AGBL4: variants seen among roughly 807,000 people sequenced by gnomAD.
The protein encoded by AGBL4 is AGBL carboxypeptidase 4, also known as cytosolic carboxypeptidase 6.
A neutral mutation model predicts 66.4 loss-of-function variants in AGBL4; 58 were observed. That is an observed-to-expected ratio of 0.87 (90% CI 0.71 to 1.09). The LOEUF (loss-of-function observed/expected upper bound fraction) is 1.09. Ranked by LOEUF, AGBL4 falls within the 50% of genes least tolerant of loss-of-function variation. AGBL4 has a pLI of 0.00. For missense variants in AGBL4, 579 were observed against 631.0 expected, an observed-to-expected ratio of 0.92 and a Z score of 0.88; for synonymous variants, 234 against 222.9, an observed-to-expected ratio of 1.05 and a Z score of -0.44.
intron 9 of AGBL4, among the ~76,000 whole-genome samples, chr1:48,608,983 A>T: frequency 6.6e-6 from 1 of 152,150 alleles, no homozygotes; most frequent in South Asian, 2.1e-4. Context: ...CATTTTATTG[A>T]TGAGGGACCC....
At chr1:49,692,361 G>T (rs778953508) in intron 3 of AGBL4, among the ~76,000 whole-genome samples, 18 of 152,110 alleles carry the variant, frequency 1.2e-4, no homozygotes, top group Non-Finnish European at 2.5e-4. Flanking sequence ...TTTGTGGACT[G>T]CTGATTTTGA....
intron 2 of AGBL4, among the ~76,000 whole-genome samples, chr1:49,837,813 C>A (rs1048466170): frequency 2.0e-5 from 3 of 152,154 alleles, no homozygotes; most frequent in Non-Finnish European, 4.4e-5. Flanking sequence ...CCACTGCACT[C>A]CAGCCTGGGC....
chr1:48,836,435 A>G (rs952393055), intron 6 of AGBL4, among the ~76,000 whole-genome samples: 2 of 152,086 alleles, frequency 1.3e-5, no homozygotes, highest in African/African-American at 4.8e-5. Context: ...CAAATGCCTA[A>G]GACTATCCTT....
intron 3 of AGBL4, among the ~76,000 whole-genome samples, chr1:49,669,789 T>C (rs1646441368): frequency 6.6e-6 from 1 of 152,012 alleles, no homozygotes. Flanking sequence ...AAACAGAGTT[T>C]CAAAAAAATT....
intron 2 of AGBL4, among the ~76,000 whole-genome samples, chr1:49,761,722 T>C (rs1571508683): frequency 2.0e-5 from 3 of 152,180 alleles, no homozygotes; most frequent in South Asian, 2.1e-4. Flanking sequence ...AAACCTCTCT[T>C]ATAGCTTTTT....
At chr1:49,424,837 G>C (rs1368336528) in intron 3 of AGBL4, among the ~76,000 whole-genome samples, 2 of 152,144 alleles carry the variant, frequency 1.3e-5, no homozygotes, top group East Asian at 1.9e-4. Context: ...AGAGTCAGGG[G>C]AATGAATGCT....
chr1:50,016,665 C>T (rs1038219981), intron 1 of AGBL4, among the ~76,000 whole-genome samples: 3 of 152,138 alleles, frequency 2.0e-5, no homozygotes, highest in Non-Finnish European at 4.4e-5. Flanking sequence ...CACACACATA[C>T]ATGCGGCCAA....
intron 3 of AGBL4, among the ~76,000 whole-genome samples, chr1:49,572,942 C>T (rs1644360260): frequency 6.6e-6 from 1 of 152,076 alleles, no homozygotes; most frequent in Admixed American, 6.6e-5. Context: ...GAGATTCTGG[C>T]CTAGCCTCCC....
intron 4 of AGBL4, among the ~76,000 whole-genome samples, chr1:49,098,603 G>A (rs866762472): frequency 2.0e-5 from 3 of 152,306 alleles, no homozygotes; most frequent in Admixed American, 1.3e-4. Flanking sequence ...TTCAGGTAAA[G>A]GTTTCAGGAC....
intron 3 of AGBL4, among the ~76,000 whole-genome samples, chr1:49,513,443 T>C (rs543767397): frequency 6.2e-4 from 94 of 152,058 alleles, no homozygotes; most frequent in African/African-American, 2.2e-3. Context: ...GATTCCATAG[T>C]GTCTGTTGTT....
intron 3 of AGBL4, among the ~76,000 whole-genome samples, chr1:49,440,650 CT>C (rs1317911244): frequency 6.6e-6 from 1 of 152,162 alleles, no homozygotes; most frequent in Non-Finnish European, 1.5e-5. Flanking sequence ...AGCCTCAGAT[CT>C]GCTAAGACTA....
chr1:48,838,209 C>A (rs1646726647), intron 6 of AGBL4, among the ~76,000 whole-genome samples: 1 of 152,010 alleles, frequency 6.6e-6, no homozygotes, highest in African/African-American at 2.4e-5. Context: ...TTTTCTGGAA[C>A]CACAAAAGAC....
chr1:49,749,451 C>A (rs898190993), intron 2 of AGBL4, among the ~76,000 whole-genome samples: 9 of 152,088 alleles, frequency 5.9e-5, no homozygotes, highest in Non-Finnish European at 1.0e-4. Context: ...AATACTAAAA[C>A]TTTCCTTATT....
chr1:48,825,251 A>C (rs1257184188), intron 6 of AGBL4, among the ~76,000 whole-genome samples: 1 of 152,018 alleles, frequency 6.6e-6, no homozygotes, highest in African/African-American at 2.4e-5. Context: ...TTTTAGCGCA[A>C]CCCGCCTTCT....
At chr1:48,567,441 T>A (rs1195851290) in intron 11 of AGBL4, among the ~76,000 whole-genome samples, 1 of 152,246 alleles carries the variant, frequency 6.6e-6, no homozygotes, top group Middle Eastern at 3.4e-3. Flanking sequence ...ATGGAGGGAC[T>A]GAGGAGGGGG....
intron 1 of AGBL4, among the ~76,000 whole-genome samples, chr1:49,981,796 G>A (rs1659077385): frequency 6.6e-6 from 1 of 152,170 alleles, no homozygotes; most frequent in Non-Finnish European, 1.5e-5. Context: ...CTAGCCTGGG[G>A]ACAATCTGGT....
intron 2 of AGBL4, among the ~76,000 whole-genome samples, chr1:49,838,540 C>T (rs1645910720): frequency 6.6e-6 from 1 of 152,132 alleles, no homozygotes; most frequent in African/African-American, 2.4e-5. Flanking sequence ...CCTTCAGATG[C>T]CAACTCAATT....
chr1:49,932,458 C>A (rs1018922246), intron 1 of AGBL4, among the ~76,000 whole-genome samples: 5 of 152,088 alleles, frequency 3.3e-5, no homozygotes, highest in African/African-American at 1.2e-4. Context: ...ACAAACTCTT[C>A]TTACACACAT....
rs150698713 is a variant in AGBL4 at position 49,153,995 on chromosome 1, C to T, written c.377+91775G>A. ...AGGTAATTCAAGATAATACTGCTAG[C>T]GAGAGAAGACATAAAAATCAAGCCC... On this transcript the variant is annotated intron_variant, in intron 4 of 13. Coordinates refer to ENST00000371839, the MANE Select transcript of AGBL4 (RefSeq NM_032785.4). 1.2e-3 allele frequency among the ~76,000 whole-genome samples: 189 copies of T among 152,118 alleles called. 1 individual carries two copies. Among genetic ancestry groups the T allele is most frequent in the African/African-American group, 4.4e-3 (181 of 41,468 alleles).
Sources: allele counts gnomAD v4.1 joint callset (sites outside exome capture counted in the v4.1 genomes callset), GRCh38; gene constraint gnomAD v4.1.1; transcripts MANE v1.5; gene names NCBI Gene and HGNC (gene_info 2026-07-23, HGNC 2026-07-21).